Variants in FBXO36 observed in about 807,000 individuals in gnomAD.
FBXO36 encodes the protein F-box only protein 36.
A neutral mutation model predicts 17.0 loss-of-function variants in FBXO36; 18 were observed. The observed-to-expected ratio is 1.06, with a 90% CI of 0.73 to 1.57. The LOEUF is 1.57. Among genes scored for constraint, FBXO36 ranks in the 40% most tolerant of loss-of-function variants. The probability of loss-of-function intolerance (pLI) is 0.00; values close to 1 mark genes in which losing one functional copy is unlikely to be tolerated. For synonymous variants in FBXO36, 83 were observed against 85.3 expected, an observed-to-expected ratio of 0.97 and a Z score of 0.15; for missense variants, 229 against 221.9, an observed-to-expected ratio of 1.03 and a Z score of -0.20.
chr2:229,949,623 T>C (rs2077046313), intron 1 of FBXO36, among the ~76,000 whole-genome samples: 1 of 152,070 alleles, frequency 6.6e-6, no homozygotes, highest in East Asian at 1.9e-4. Flanking sequence ...TCTATAAGTA[T>C]AAAAATATTC....
At chr2:229,994,028 TC>T (rs1314920300) in intron 2 of FBXO36, among the ~76,000 whole-genome samples, 2 of 152,062 alleles carry the variant, frequency 1.3e-5, no homozygotes, top group East Asian at 3.9e-4. Flanking sequence ...CTCCTCAGAC[TC>T]CCAAAGTGCT....
chr2:229,925,153 CT>C (rs2076904924), intron 1 of FBXO36, among the ~76,000 whole-genome samples: 2 of 151,272 alleles, frequency 1.3e-5, no homozygotes, highest in Non-Finnish European at 2.9e-5. Flanking sequence ...AAAAACTCTC[CT>C]TTATCTCAGG....
chr2:230,009,900 C>T (rs966770317), intron 3 of FBXO36, among the ~76,000 whole-genome samples: 2 of 151,664 alleles, frequency 1.3e-5, no homozygotes, highest in Admixed American at 1.3e-4. Context: ...GAGCCGAGAT[C>T]GCACCCCTGC....
intron 2 of FBXO36, among the ~76,000 whole-genome samples, chr2:229,977,459 T>G (rs891495071): frequency 6.8e-6 from 1 of 147,816 alleles, no homozygotes; most frequent in Non-Finnish European, 1.5e-5. Context: ...TTGTTTTTTG[T>G]TTTTTTTTGA....
intron 1 of FBXO36, among the ~76,000 whole-genome samples, chr2:229,947,147 A>G (rs1042625260): frequency 6.6e-6 from 1 of 152,174 alleles, no homozygotes; most frequent in Admixed American, 6.5e-5. Flanking sequence ...CAGCCTGGAC[A>G]ACAAGAGCGA....
chr2:229,983,993 A>G lies in FBXO36; in HGVS notation c.205+7644A>G, dbSNP rs141250091. On this transcript the variant is annotated intron_variant, in intron 2 of 3. Coordinates refer to ENST00000283946, the MANE Select transcript of FBXO36 (RefSeq NM_174899.5). ...CTCCAAGCTCCCTTCCCCAGAGACG[A>G]CCATTCTAAATAGTTTCATTTGTAT... 3.7e-3 allele frequency among the ~76,000 whole-genome samples: 557 copies of G among 152,294 alleles called. 5 individuals carry two copies. The highest frequency in any genetic ancestry group is 0.013 in the African/African-American group (536 of 41,548).
intron 2 of FBXO36, among the ~76,000 whole-genome samples, chr2:229,979,695 A>G (rs1319066616): frequency 6.6e-6 from 1 of 151,524 alleles, no homozygotes; most frequent in Non-Finnish European, 1.5e-5. Context: ...CAGGAGAATC[A>G]CTTGAACCCG....
chr2:229,957,602 C>A (rs1337260148), intron 1 of FBXO36, among the ~76,000 whole-genome samples: 1 of 152,016 alleles, frequency 6.6e-6, no homozygotes, highest in Non-Finnish European at 1.5e-5. Flanking sequence ...ATGAGGTGAC[C>A]ATTTCTGAGT....
At chr2:229,943,573 A>C (rs987095630) in intron 1 of FBXO36, among the ~76,000 whole-genome samples, 1 of 152,122 alleles carries the variant, frequency 6.6e-6, no homozygotes, top group Non-Finnish European at 1.5e-5. Context: ...AAAAAAAATC[A>C]AACCAAAACC....
intron 1 of FBXO36, among the ~76,000 whole-genome samples, chr2:229,943,855 G>A (rs539734467): frequency 6.6e-6 from 1 of 152,290 alleles, no homozygotes; most frequent in African/African-American, 2.4e-5. Flanking sequence ...CCCCATCTCA[G>A]TTCAAATTGT....
intron 2 of FBXO36, among the ~76,000 whole-genome samples, chr2:229,982,839 C>CGTGTGA (rs2077247997): frequency 6.6e-6 from 1 of 150,954 alleles, no homozygotes; most frequent in South Asian, 2.1e-4. Flanking sequence ...TTACTTTTGC[C>CGTGTGA]GTGTGAGGTC....
intron 1 of FBXO36, among the ~76,000 whole-genome samples, chr2:229,975,841 CTT>C (rs1293976840): frequency 6.7e-6 from 1 of 148,984 alleles, no homozygotes; most frequent in Non-Finnish European, 1.5e-5. Context: ...GAGTTTCACT[CTT>C]GTTACCCAGG....
chr2:229,981,121 C>T (rs540674870), intron 2 of FBXO36, among the ~76,000 whole-genome samples: 2 of 152,242 alleles, frequency 1.3e-5, no homozygotes, highest in African/African-American at 4.8e-5. Context: ...ATTGCTCCTC[C>T]CCTCTGTGAG....
intron 2 of FBXO36, among the ~76,000 whole-genome samples, chr2:229,994,071 C>T (rs773293536): frequency 3.9e-5 from 6 of 152,116 alleles, no homozygotes; most frequent in Admixed American, 2.0e-4. Context: ...TGCGCCTGGC[C>T]AACTTTTACA....
intron 1 of FBXO36, among the ~76,000 whole-genome samples, chr2:229,953,421 A>G (rs2077067956): frequency 6.6e-6 from 1 of 151,972 alleles, no homozygotes; most frequent in African/African-American, 2.4e-5. Flanking sequence ...CTTGCCTGTA[A>G]TCTCAGAACC....
At chr2:229,937,987 TAGAC>T (rs1427312332) in intron 1 of FBXO36, 1 of 152,446 alleles carries the variant, frequency 6.6e-6, no homozygotes, top group African/African-American at 2.4e-5. Context: ...GTTTGTTTTT[TAGAC>T]AGTCTCACGC....
At chr2:229,964,165 T>C (rs2106184787) in intron 1 of FBXO36, among the ~76,000 whole-genome samples, 1 of 152,360 alleles carries the variant, frequency 6.6e-6, no homozygotes, top group South Asian at 2.1e-4. Flanking sequence ...TTTATCATTA[T>C]TTTATTTTTT....
chr2:229,967,387 T>A (rs6748770), intron 1 of FBXO36, among the ~76,000 whole-genome samples: 4,102 of 152,296 alleles, frequency 0.027, 196 homozygotes, highest in African/African-American at 0.094. Context: ...CCTGCCTGAT[T>A]GCCCTGGCCA....
intron 2 of FBXO36, among the ~76,000 whole-genome samples, chr2:229,977,930 G>T (rs926994356): frequency 6.6e-6 from 1 of 151,874 alleles, no homozygotes; most frequent in Non-Finnish European, 1.5e-5. Context: ...GACTTTCTTC[G>T]ACTAAACTCT....
Sources: allele counts gnomAD v4.1 joint callset (sites outside exome capture counted in the v4.1 genomes callset), GRCh38; gene constraint gnomAD v4.1.1; transcripts MANE v1.5; gene names NCBI Gene and HGNC (gene_info 2026-07-23, HGNC 2026-07-21).